Variants in EPHA7 observed in about 807,000 individuals in gnomAD.
EPHA7 encodes the protein EPH receptor A7.
EPHA7 carries 25 observed loss-of-function variants against 112.6 expected under a neutral mutation model. The observed-to-expected ratio is 0.22, with a 90% confidence interval of 0.16 to 0.31. EPHA7 has a LOEUF of 0.31. EPHA7 is among the 10% of genes least tolerant of loss of function. EPHA7 has a pLI of 1.00. For synonymous variants in EPHA7, 437 were observed against 406.5 expected, an observed-to-expected ratio of 1.07 and a Z score of -0.90; for missense variants, 962 against 1,212.6, an observed-to-expected ratio of 0.79 and a Z score of 3.07.
At chr6:93,260,235 T>C (rs1037584659) in intron 9 of EPHA7, among the ~76,000 whole-genome samples, 2 of 151,920 alleles carry the variant, frequency 1.3e-5, no homozygotes, top group Non-Finnish European at 2.9e-5. Context: ...AGATCTTAAC[T>C]GCTGAGGAGG....
At chr6:93,390,690 T>C (rs548606303) in intron 3 of EPHA7, among the ~76,000 whole-genome samples, 1 of 152,050 alleles carries the variant, frequency 6.6e-6, no homozygotes, top group South Asian at 2.1e-4. Context: ...CTATTCTATT[T>C]TCCTGTTACT....
chr6:93,298,574 A>G (rs945527647), intron 5 of EPHA7, among the ~76,000 whole-genome samples: 1 of 152,174 alleles, frequency 6.6e-6, no homozygotes, highest in Admixed American at 6.5e-5. Flanking sequence ...AAATCAGTAA[A>G]GAGGCCTAAA....
intron 5 of EPHA7, among the ~76,000 whole-genome samples, chr6:93,339,493 A>G (rs1489343734): frequency 6.6e-6 from 1 of 151,784 alleles, no homozygotes; most frequent in Non-Finnish European, 1.5e-5. Context: ...TTTATAAAAC[A>G]TTTTTTCATA....
intron 5 of EPHA7, among the ~76,000 whole-genome samples, chr6:93,336,913 A>G (rs1774907883): frequency 6.6e-6 from 1 of 151,912 alleles, no homozygotes; most frequent in Non-Finnish European, 1.5e-5. Flanking sequence ...AAGGAAAAAC[A>G]AAGAAGCTTT....
intron 5 of EPHA7, among the ~76,000 whole-genome samples, chr6:93,348,928 A>C (rs895371380): frequency 6.6e-6 from 1 of 151,786 alleles, no homozygotes; most frequent in African/African-American, 2.4e-5. Context: ...ACTTTTCACA[A>C]CTAATATGTG....
At chr6:93,264,054 A>G (rs1770814526) in intron 8 of EPHA7, 139 bp from the exon 9 acceptor site, 1 of 499,054 alleles carries the variant, frequency 2.0e-6, no homozygotes, top group Non-Finnish European at 3.4e-6. Context: ...TAGTAATAAT[A>G]TAGCGATTCA....
chr6:93,392,725 T>C (rs986130681), intron 3 of EPHA7, among the ~76,000 whole-genome samples: 23 of 151,932 alleles, frequency 1.5e-4, no homozygotes, highest in African/African-American at 5.3e-4. Context: ...TGCAAAATAA[T>C]TTATTTCATA....
In EPHA7 at chr6:93,254,739, T is replaced by C; in HGVS notation, c.2440A>G (p.Thr814Ala). Reference sequence around the variant, plus strand: ...TAGCTCCATACATCACTGGCTGATGTGAATTTCCGGTACTGGATGGCTTCG... The same window carrying C: ...TAGCTCCATACATCACTGGCTGATGCGAATTTCCGGTACTGGATGGCTTCG... ...APEAIQYRKF[T>A]SASDVWSYGI... is the part of the protein sequence containing the mutation. The change falls in exon 14 of 17, where the codon ACA (threonine) becomes GCA (alanine). Residue 814 changes from threonine to alanine, a missense_variant. Thr to Ala is a moderately conservative substitution (Grantham distance 58). Around this residue, in one of 3 missense-constraint regions of EPHA7, gnomAD observed 746 missense variants for 889.2 expected, o/e 0.84. Coordinates refer to ENST00000369303, the MANE Select transcript of EPHA7 (RefSeq NM_004440.4). The C allele has an allele frequency of 6.2e-7, 1 of 1,613,616 alleles. No homozygotes were observed. The highest frequency in any genetic ancestry group is 8.5e-7 in the Non-Finnish European group (1 of 1,179,682).
chr6:93,331,316 T>A (rs1403727401), intron 5 of EPHA7, among the ~76,000 whole-genome samples: 1 of 151,374 alleles, frequency 6.6e-6, no homozygotes, highest in African/African-American at 2.4e-5. Context: ...TTTTTTAAGA[T>A]CTTCAATAAT....
chr6:93,370,224 A>G (rs1227494553), intron 3 of EPHA7, among the ~76,000 whole-genome samples: 2 of 152,212 alleles, frequency 1.3e-5, no homozygotes, highest in Non-Finnish European at 2.9e-5. Flanking sequence ...ATTATAAGTT[A>G]TAACAAAACT....
rs931218402 is a variant in EPHA7 at position 93,416,839 on chromosome 6, C to T, written c.98-2072G>A. On this transcript the variant is annotated intron_variant, in intron 1 of 16. Coordinates refer to ENST00000369303, the MANE Select transcript of EPHA7 (RefSeq NM_004440.4). ...GCGCCCTGACAGACCCAGGCAACGACCGCGCGGGCAAAGGCTGGCGTCCCG... is the reference window on the plus strand; with the variant it reads ...GCGCCCTGACAGACCCAGGCAACGATCGCGCGGGCAAAGGCTGGCGTCCCG... 3.3e-5 allele frequency among the ~76,000 whole-genome samples: 5 copies of T among 151,984 alleles called. 1 individual carries two copies. Among genetic ancestry groups the T allele is most frequent in the Admixed American group, 6.5e-5 (1 of 15,272 alleles).
At chr6:93,344,237 A>G (rs1175661126) in intron 5 of EPHA7, among the ~76,000 whole-genome samples, 1 of 151,648 alleles carries the variant, frequency 6.6e-6, no homozygotes, top group Non-Finnish European at 1.5e-5. Context: ...ACAGATAGTT[A>G]TAAATGCATA....
intron 5 of EPHA7, among the ~76,000 whole-genome samples, chr6:93,280,842 T>C (rs1771700087): frequency 6.6e-6 from 1 of 152,176 alleles, no homozygotes; most frequent in Non-Finnish European, 1.5e-5. Flanking sequence ...TATTCTATTA[T>C]GACTTTGTTT....
At position 93,241,428 on chromosome 6, in the gene EPHA7, T is replaced by A. The variant is rs561025741; in HGVS notation, c.*1998A>T. The A allele has an allele frequency of 1.9e-5, 4 of 213,314 alleles. No homozygotes were observed. Among genetic ancestry groups the A allele is most frequent in the Admixed American group, 5.9e-5 (1 of 17,022 alleles). The allele number at this position is 213,314 out of a possible 1,614,324, so 13.2% of individuals were successfully genotyped here. ...ACCCTCAAGCACATTGTGTTATAGT[T>A]CCAAAAATATATTTACAGTCTATTA... On this transcript the variant is annotated 3_prime_UTR_variant, in exon 17 of 17. Coordinates refer to ENST00000369303, the MANE Select transcript of EPHA7 (RefSeq NM_004440.4).
At chr6:93,309,678 C>A (rs946182760) in intron 5 of EPHA7, among the ~76,000 whole-genome samples, 2 of 152,006 alleles carry the variant, frequency 1.3e-5, no homozygotes, top group Non-Finnish European at 2.9e-5. Context: ...AATTCATACC[C>A]ATTCAAATAT....
intron 5 of EPHA7, among the ~76,000 whole-genome samples, chr6:93,345,073 G>T (rs1775332024): frequency 6.6e-6 from 1 of 151,498 alleles, no homozygotes. Flanking sequence ...GTTTATTACT[G>T]TCTATACATG....
chr6:93,385,507 T>TA (rs992662110), intron 3 of EPHA7, among the ~76,000 whole-genome samples: 5 of 152,094 alleles, frequency 3.3e-5, no homozygotes, highest in African/African-American at 4.8e-5. Flanking sequence ...TTCTTGAAAA[T>TA]AAAAAACCCT....
At chr6:93,400,595 A>G (rs551782237) in intron 3 of EPHA7, among the ~76,000 whole-genome samples, 72 of 152,028 alleles carry the variant, frequency 4.7e-4, no homozygotes, top group Non-Finnish European at 8.8e-4. Flanking sequence ...CAGTGGTACC[A>G]TTATCACTCA....
At chr6:93,244,419 C>A (rs1175811219) in intron 16 of EPHA7, among the ~76,000 whole-genome samples, 1 of 152,120 alleles carries the variant, frequency 6.6e-6, no homozygotes, top group Non-Finnish European at 1.5e-5. Flanking sequence ...GTCTTCATCT[C>A]ATTGGAAAAA....
Sources: allele counts gnomAD v4.1 joint callset (sites outside exome capture counted in the v4.1 genomes callset), GRCh38; gene constraint gnomAD v4.1.1; regional missense constraint gnomAD v4.1.1; transcripts MANE v1.5; gene names NCBI Gene and HGNC (gene_info 2026-07-23, HGNC 2026-07-21).